The following DAB1 variants were observed in gnomAD, a reference collection of about 807,000 sequenced individuals.
The protein encoded by DAB1 is disabled homolog 1.
A neutral mutation model predicts 64.6 loss-of-function variants in DAB1; 15 were observed. That is an observed-to-expected ratio of 0.23 (90% CI 0.16 to 0.36). The LOEUF (loss-of-function observed/expected upper bound fraction) is 0.36, where lower values mean the gene tolerates loss of function less well. Among genes scored for constraint, DAB1 ranks in the 10% least tolerant of loss-of-function variants. The probability of loss-of-function intolerance (pLI) is 1.00; values close to 1 mark genes in which losing one functional copy is unlikely to be tolerated. For synonymous variants in DAB1, 235 were observed against 251.9 expected (o/e 0.93, Z 0.64); for missense variants, 596 against 706.7 (o/e 0.84, Z 1.78).
intron 9 of DAB1, among the ~76,000 whole-genome samples, chr1:57,037,453 A>G (rs1467191594): frequency 4.6e-5 from 7 of 152,238 alleles, no homozygotes; most frequent in Admixed American, 4.6e-4. Flanking sequence ...CAAGGCTTCT[A>G]GATCTAAACT....
intron 1 of DAB1, among the ~76,000 whole-genome samples, chr1:57,846,996 T>C: frequency 6.6e-6 from 1 of 152,140 alleles, no homozygotes; most frequent in Non-Finnish European, 1.5e-5. Flanking sequence ...CTAAGTCTTG[T>C]AGGAGATGGG....
At chr1:57,989,108 A>G (rs1646288900) in intron 5 of DAB1, among the ~76,000 whole-genome samples, 1 of 152,152 alleles carries the variant, frequency 6.6e-6, no homozygotes, top group Non-Finnish European at 1.5e-5. Context: ...GTGGCCTTGG[A>G]CAAGTTACTT....
intron 7 of DAB1, among the ~76,000 whole-genome samples, chr1:57,491,109 T>C (rs1644157362): frequency 6.6e-6 from 1 of 152,210 alleles, no homozygotes; most frequent in Non-Finnish European, 1.5e-5. Flanking sequence ...GAGCCTCAGT[T>C]ACCTTTTGGG....
intron 1 of DAB1, among the ~76,000 whole-genome samples, chr1:57,387,937 A>G (rs1478607559): frequency 1.3e-5 from 2 of 151,446 alleles, no homozygotes; most frequent in African/African-American, 2.4e-5. Flanking sequence ...AACTACACCC[A>G]CCTATGATCT....
In DAB1 at chr1:58,409,073, C is replaced by G. The variant is rs913099363; in HGVS notation, n.258-65670G>C. 2.6e-5 allele frequency among the ~76,000 whole-genome samples: 4 copies of G among 152,272 alleles called. No individual in the cohort carries two copies. In the South Asian group the frequency reaches 8.3e-4, roughly 32 times the overall value. ...CCAAGAAAGAAAACGTTTTTCTCAG[C>G]TATGTACTCTATATACAGCATCTCC... On this transcript the variant is annotated intron_variant and non_coding_transcript_variant, in intron 3 of 20. Transcript: ENST00000485760.
intron 5 of DAB1, among the ~76,000 whole-genome samples, chr1:58,113,921 C>T (rs752437407): frequency 2.2e-4 from 33 of 151,930 alleles, no homozygotes; most frequent in African/African-American, 7.7e-4. Flanking sequence ...AGGTGCCCCC[C>T]CAAAGTGAGA....
chr1:57,782,819 T>C (rs1413107804), intron 6 of DAB1, among the ~76,000 whole-genome samples: 1 of 152,162 alleles, frequency 6.6e-6, no homozygotes, highest in Non-Finnish European at 1.5e-5. Flanking sequence ...TGCATGTAAC[T>C]AGAAGACATT....
intron 5 of DAB1, among the ~76,000 whole-genome samples, chr1:57,917,404 C>A (rs1401686628): frequency 2.0e-5 from 3 of 152,204 alleles, no homozygotes; most frequent in African/African-American, 4.8e-5. Flanking sequence ...GGTTCCTCAC[C>A]TGTAAAGTAG....
At chr1:57,668,252 T>C (rs552239985) in intron 6 of DAB1, among the ~76,000 whole-genome samples, 1 of 152,230 alleles carries the variant, frequency 6.6e-6, no homozygotes, top group East Asian at 1.9e-4. Context: ...TTTAATGTGA[T>C]ACTAAAAAAT....
chr1:58,432,502 T>C (rs1281625604), intron 3 of DAB1, among the ~76,000 whole-genome samples: 1 of 152,122 alleles, frequency 6.6e-6, no homozygotes, highest in Non-Finnish European at 1.5e-5. Context: ...AAATTAGAGG[T>C]TACCTCTTCC....
At chr1:57,565,066 G>A (rs890697758) in intron 7 of DAB1, among the ~76,000 whole-genome samples, 1 of 152,190 alleles carries the variant, frequency 6.6e-6, no homozygotes, top group Non-Finnish European at 1.5e-5. Context: ...CAGACTAACA[G>A]CAGATCTCTC....
intron 4 of DAB1, among the ~76,000 whole-genome samples, chr1:58,315,142 C>T (rs185001222): frequency 5.9e-5 from 9 of 152,298 alleles, no homozygotes; most frequent in East Asian, 3.9e-4. Flanking sequence ...AATTTTACAT[C>T]GCTCTATTTC....
intron 4 of DAB1, among the ~76,000 whole-genome samples, chr1:58,155,682 C>T (rs1034294552): frequency 3.3e-5 from 5 of 152,186 alleles, no homozygotes; most frequent in Non-Finnish European, 7.3e-5. Context: ...GTCCGGCTAT[C>T]AGAGCAAGCA....
chr1:58,201,129 G>C (rs1299560596), intron 4 of DAB1, among the ~76,000 whole-genome samples: 2 of 151,192 alleles, frequency 1.3e-5, no homozygotes, highest in African/African-American at 4.9e-5. Context: ...CCATTCTCCT[G>C]CCTCAGCCTC....
At chr1:57,868,776 G>T (rs757978644) in intron 1 of DAB1, among the ~76,000 whole-genome samples, 28 of 152,082 alleles carry the variant, frequency 1.8e-4, no homozygotes, top group Non-Finnish European at 3.4e-4. Flanking sequence ...GTAGCATAGA[G>T]CCCAGGGTCA....
intron 5 of DAB1, among the ~76,000 whole-genome samples, chr1:58,016,404 G>A (rs1470418153): frequency 1.3e-5 from 2 of 152,130 alleles, no homozygotes; most frequent in Non-Finnish European, 2.9e-5. Flanking sequence ...GTTACTTGCA[G>A]CCCACGGCAT....
At chr1:57,495,210 T>C (rs1046852170) in intron 7 of DAB1, among the ~76,000 whole-genome samples, 1 of 152,196 alleles carries the variant, frequency 6.6e-6, no homozygotes, top group African/African-American at 2.4e-5. Flanking sequence ...AACATCTCAC[T>C]TAGCCTAAGA....
At chr1:57,822,619 A>T (rs182427238), downstream of DAB1, among the ~76,000 whole-genome samples, 1 of 152,350 alleles carries the variant, frequency 6.6e-6, no homozygotes, top group East Asian at 1.9e-4. Context: ...GAAAGTCCAG[A>T]TAAAATATTT....
chr1:58,377,786 G>A (rs2100543745), intron 3 of DAB1, among the ~76,000 whole-genome samples: 1 of 138,700 alleles, frequency 7.2e-6, no homozygotes, highest in African/African-American at 2.7e-5. Flanking sequence ...TTCCAACTTG[G>A]TTCCATTCTC....
Sources: allele counts gnomAD v4.1 joint callset (sites outside exome capture counted in the v4.1 genomes callset), GRCh38; gene constraint gnomAD v4.1.1; transcripts MANE v1.5; gene names NCBI Gene and HGNC (gene_info 2026-07-23, HGNC 2026-07-21).